Variants in LRMDA observed in about 807,000 individuals in gnomAD.
The protein encoded by LRMDA is leucine-rich melanocyte differentiation-associated protein.
A neutral mutation model predicts 29.8 loss-of-function variants in LRMDA; 18 were observed. That is an observed-to-expected ratio of 0.60 (90% CI 0.42 to 0.90). LRMDA has a LOEUF of 0.90. LRMDA is among the 40% of genes least tolerant of loss of function. LRMDA has a pLI of 0.00. For synonymous variants in LRMDA, 125 were observed against 109.4 expected (o/e 1.14, Z -0.89); for missense variants, 273 against 273.9 (o/e 1.00, Z 0.02).
At chr10:76,032,161 C>G (rs1294982972) in intron 2 of LRMDA, among the ~76,000 whole-genome samples, 1 of 152,190 alleles carries the variant, frequency 6.6e-6, no homozygotes, top group Non-Finnish European at 1.5e-5. Context: ...CCTGGCTCTT[C>G]CCCTCCATTC....
At chr10:75,980,781 C>A (rs949997746) in intron 2 of LRMDA, among the ~76,000 whole-genome samples, 3 of 152,192 alleles carry the variant, frequency 2.0e-5, no homozygotes, top group Non-Finnish European at 4.4e-5. Context: ...TTGAATTTCA[C>A]TTTCCTATTT....
At chr10:76,383,492 G>A (rs1445454190) in intron 6 of LRMDA, among the ~76,000 whole-genome samples, 6 of 137,170 alleles carry the variant, frequency 4.4e-5, no homozygotes, top group Non-Finnish European at 9.1e-5. Flanking sequence ...CTGCAGTGGC[G>A]CAATCTCGGC....
At chr10:76,239,673 T>C (rs567784660) in intron 5 of LRMDA, among the ~76,000 whole-genome samples, 5 of 152,288 alleles carry the variant, frequency 3.3e-5, no homozygotes, top group Admixed American at 2.6e-4. Flanking sequence ...CATTCTGCTT[T>C]GGCTGGTTGC....
intron 6 of LRMDA, among the ~76,000 whole-genome samples, chr10:76,400,538 C>T (rs1296389343): frequency 6.6e-6 from 1 of 152,216 alleles, no homozygotes; most frequent in African/African-American, 2.4e-5. Flanking sequence ...CTTCATGATT[C>T]TTTGTCTTTG....
chr10:75,897,581 A>C (rs1845604284), intron 2 of LRMDA, among the ~76,000 whole-genome samples: 1 of 151,896 alleles, frequency 6.6e-6, no homozygotes, highest in African/African-American at 2.4e-5. Context: ...AGGATTATCT[A>C]ATCAGTCCTT....
At position 75,704,336 on chromosome 10, in the gene LRMDA, C is replaced by T. The variant is rs1235292047; in HGVS notation, c.131+265842C>T. ...GTCATGTTTATATTTTTTAAAAGTCCTTTATGTAGTGATCATATTATTGTA... is the reference window on the plus strand; with the variant it reads ...GTCATGTTTATATTTTTTAAAAGTCTTTTATGTAGTGATCATATTATTGTA... On this transcript the variant is annotated intron_variant, in intron 2 of 6. Transcript: ENST00000611255. Among the ~76,000 whole-genome samples, 4 of 152,016 alleles carry T rather than the reference C, an allele frequency of 2.6e-5. No individual in the cohort carries two copies. In the East Asian group the frequency reaches 5.8e-4, roughly 22 times the overall value.
intron 2 of LRMDA, among the ~76,000 whole-genome samples, chr10:75,910,509 T>C (rs1589250075): frequency 6.6e-6 from 1 of 152,312 alleles, no homozygotes; most frequent in Middle Eastern, 3.4e-3. Context: ...TGCCGTCCAG[T>C]ATTTTGCTGT....
chr10:75,790,157 C>A (rs1305588663), intron 2 of LRMDA, among the ~76,000 whole-genome samples: 1 of 152,086 alleles, frequency 6.6e-6, no homozygotes, highest in East Asian at 1.9e-4. Flanking sequence ...CTGGATAATT[C>A]TGTGTTGTGG....
chr10:75,785,647 T>C (rs1170324897), intron 2 of LRMDA, among the ~76,000 whole-genome samples: 1 of 152,224 alleles, frequency 6.6e-6, no homozygotes, highest in Non-Finnish European at 1.5e-5. Flanking sequence ...GGAGTCCACA[T>C]TGGGTGTGAT....
intron 6 of LRMDA, among the ~76,000 whole-genome samples, chr10:76,406,374 C>T (rs932246594): frequency 1.3e-5 from 2 of 152,164 alleles, no homozygotes; most frequent in Admixed American, 1.3e-4. Context: ...TTCTGATGAA[C>T]TATCGTATTT....
At chr10:75,947,003 C>T (rs1364356392) in intron 2 of LRMDA, among the ~76,000 whole-genome samples, 1 of 152,182 alleles carries the variant, frequency 6.6e-6, no homozygotes, top group Non-Finnish European at 1.5e-5. Flanking sequence ...GGCAGAGACA[C>T]ATCTGGAACT....
chr10:75,789,759 C>T (rs1843534329), intron 2 of LRMDA, among the ~76,000 whole-genome samples: 1 of 152,148 alleles, frequency 6.6e-6, no homozygotes, highest in Non-Finnish European at 1.5e-5. Flanking sequence ...ATATTGATGT[C>T]CCCAAGGCCC....
intron 2 of LRMDA, among the ~76,000 whole-genome samples, chr10:75,525,538 T>G (rs538265859): frequency 6.6e-6 from 1 of 152,100 alleles, no homozygotes; most frequent in South Asian, 2.1e-4. Context: ...AGACTGGGAT[T>G]GAGATAATTG....
At chr10:76,104,956 C>A (rs1849456585) in intron 5 of LRMDA, among the ~76,000 whole-genome samples, 1 of 152,174 alleles carries the variant, frequency 6.6e-6, no homozygotes, top group Admixed American at 6.5e-5. Context: ...CAGGCCTTTG[C>A]TCTAGCCATT....
In LRMDA at chr10:75,468,481, C is replaced by T. The variant is rs993012956; in HGVS notation, c.131+29987C>T. On this transcript the variant is annotated intron_variant, in intron 2 of 6. Transcript: ENST00000611255. ...GAAGGAAGATTTGCCTTAAGAGATA[C>T]CCAGGGTGATGAAACAAACACCTCA... 3.3e-5 allele frequency among the ~76,000 whole-genome samples: 5 copies of T among 152,138 alleles called. No individual in the cohort carries two copies. The East Asian group carries it at 9.7e-4, about 29-fold the overall frequency.
At chr10:76,339,928 A>G (rs1461493456) in intron 6 of LRMDA, among the ~76,000 whole-genome samples, 1 of 147,694 alleles carries the variant, frequency 6.8e-6, no homozygotes. Flanking sequence ...AAAAATATGG[A>G]AAATTACTCT....
At chr10:75,951,987 G>A (rs1239980513) in intron 2 of LRMDA, among the ~76,000 whole-genome samples, 1 of 152,206 alleles carries the variant, frequency 6.6e-6, no homozygotes, top group Non-Finnish European at 1.5e-5. Flanking sequence ...TTAATAAAAT[G>A]CAGTATGTCC....
chr10:75,683,139 TA>T (rs1410917858), intron 2 of LRMDA, among the ~76,000 whole-genome samples: 1 of 152,186 alleles, frequency 6.6e-6, no homozygotes, highest in Non-Finnish European at 1.5e-5. Flanking sequence ...TAGCTCCCTC[TA>T]AAAACAATAA....
chr10:76,329,850 T>A (rs934481398), intron 6 of LRMDA, among the ~76,000 whole-genome samples: 22 of 152,234 alleles, frequency 1.4e-4, no homozygotes, highest in East Asian at 1.9e-4. Context: ...TGTGTTTTTT[T>A]AAATTATTTA....
Sources: allele counts gnomAD v4.1 joint callset (sites outside exome capture counted in the v4.1 genomes callset), GRCh38; gene constraint gnomAD v4.1.1; transcripts MANE v1.5; gene names NCBI Gene and HGNC (gene_info 2026-07-23, HGNC 2026-07-21).